The following RARB variants were observed in gnomAD, a reference collection of about 807,000 sequenced individuals.
RARB encodes HBV-activated protein.
A neutral mutation model predicts 51.9 loss-of-function variants in RARB; 17 were observed. The ratio of observed to expected loss-of-function variants is 0.33; its 90% CI spans 0.22 to 0.49. The LOEUF (loss-of-function observed/expected upper bound fraction) is 0.49, where lower values mean the gene tolerates loss of function less well. RARB is among the 20% of genes least tolerant of loss of function. RARB has a pLI of 0.99. For missense variants in RARB, 369 were observed against 550.8 expected (o/e 0.67, Z 3.30); for synonymous variants, 215 against 195.4 (o/e 1.10, Z -0.84).
At chr3:25,073,837 T>C (rs1233299010) in intron 3 of RARB, among the ~76,000 whole-genome samples, 1 of 152,194 alleles carries the variant, frequency 6.6e-6, no homozygotes, top group African/African-American at 2.4e-5. Context: ...GTGACTTTTT[T>C]TTTTTTATCA....
At chr3:25,452,354 C>T (rs1039271862) in intron 1 of RARB, among the ~76,000 whole-genome samples, 1 of 152,118 alleles carries the variant, frequency 6.6e-6, no homozygotes, top group Non-Finnish European at 1.5e-5. Flanking sequence ...CAGCACTTCC[C>T]GTGGTAAAAG....
At chr3:25,289,114 T>C (rs1347249695) in intron 5 of RARB, among the ~76,000 whole-genome samples, 3 of 152,224 alleles carry the variant, frequency 2.0e-5, no homozygotes, top group Non-Finnish European at 4.4e-5. Context: ...ACGTAGTGGA[T>C]TAGAGCTCAG....
intron 2 of RARB, among the ~76,000 whole-genome samples, chr3:24,960,054 C>A (rs1696104496): frequency 6.6e-6 from 1 of 152,178 alleles, no homozygotes. Flanking sequence ...CAATAAATTG[C>A]AGCAGGGGAA....
chr3:25,494,275 A>ACACG (rs1553623209), intron 2 of RARB, among the ~76,000 whole-genome samples: 1,222 of 102,332 alleles, frequency 0.012, 9 homozygotes, highest in Non-Finnish European at 0.017. Flanking sequence ...ACACACACAC[A>ACACG]CACATGCCAT....
chr3:25,447,762 G>A (rs1709011605), intron 1 of RARB, among the ~76,000 whole-genome samples: 1 of 152,174 alleles, frequency 6.6e-6, no homozygotes, highest in African/African-American at 2.4e-5. Flanking sequence ...GGGAAGGAAA[G>A]GACAGCTGAG....
intron 2 of RARB, among the ~76,000 whole-genome samples, chr3:25,058,889 A>C (rs1698493971): frequency 1.3e-5 from 2 of 151,720 alleles, no homozygotes; most frequent in Admixed American, 1.3e-4. Context: ...TATAGCTCCT[A>C]AATAATTCTT....
intron 4 of RARB, among the ~76,000 whole-genome samples, chr3:25,173,868 A>G (rs1305128493): frequency 6.6e-6 from 1 of 152,206 alleles, no homozygotes; most frequent in African/African-American, 2.4e-5. Context: ...GCAGAGTGAT[A>G]TAGTCAAATA....
At chr3:25,115,508 T>C (rs910336748) in intron 3 of RARB, among the ~76,000 whole-genome samples, 2 of 152,166 alleles carry the variant, frequency 1.3e-5, no homozygotes, top group Non-Finnish European at 2.9e-5. Context: ...TTTCTAATTA[T>C]GCCTAGTATT....
At chr3:25,550,886 A>G (rs1699823073) in intron 3 of RARB, among the ~76,000 whole-genome samples, 3 of 152,264 alleles carry the variant, frequency 2.0e-5, no homozygotes, top group Admixed American at 6.5e-5. Context: ...AATGGCTTTC[A>G]GCTCTATCCA....
intron 4 of RARB, among the ~76,000 whole-genome samples, chr3:25,577,644 C>T (rs545432962): frequency 7.5e-4 from 114 of 152,354 alleles, no homozygotes; most frequent in African/African-American, 2.6e-3. Flanking sequence ...CCAGGAGCTG[C>T]CTCCAGTGGG....
chr3:25,591,436 C>G (rs1000923623), intron 5 of RARB, among the ~76,000 whole-genome samples: 1 of 152,332 alleles, frequency 6.6e-6, no homozygotes, highest in East Asian at 1.9e-4. Context: ...TAAAGATTAT[C>G]TAACCTTAGA....
At chr3:25,294,022 A>C (rs2125423440) in intron 5 of RARB, among the ~76,000 whole-genome samples, 1 of 152,308 alleles carries the variant, frequency 6.6e-6, no homozygotes, top group Non-Finnish European at 1.5e-5. Context: ...CAGAGACAAT[A>C]ACTTCGGAGG....
At chr3:25,565,875 A>G (rs1700472960) in intron 3 of RARB, among the ~76,000 whole-genome samples, 1 of 151,522 alleles carries the variant, frequency 6.6e-6, no homozygotes, top group Admixed American at 6.6e-5. Flanking sequence ...ATCTCGGGGG[A>G]GGCTCTGAAA....
chr3:25,167,691 A>G (rs1386152050), intron 4 of RARB, among the ~76,000 whole-genome samples: 1 of 152,212 alleles, frequency 6.6e-6, no homozygotes, highest in African/African-American at 2.4e-5. Flanking sequence ...CTTTGAAGAA[A>G]CTAAATCAGA....
At chr3:24,850,076 G>A (rs1026199927) in intron 1 of RARB, among the ~76,000 whole-genome samples, 45 of 152,140 alleles carry the variant, frequency 3.0e-4, no homozygotes, top group Non-Finnish European at 1.5e-5. Flanking sequence ...GTCCTTACCT[G>A]GAAGAAGGCT....
intron 5 of RARB, among the ~76,000 whole-genome samples, chr3:25,290,638 A>C (rs565957838): frequency 1.3e-5 from 2 of 152,320 alleles, no homozygotes; most frequent in South Asian, 4.1e-4. Flanking sequence ...AAGTGGGTAC[A>C]TGGTAAAAAA....
chr3:25,577,004 T>C (rs1700964136), intron 4 of RARB, among the ~76,000 whole-genome samples: 1 of 152,196 alleles, frequency 6.6e-6, no homozygotes, highest in African/African-American at 2.4e-5. Context: ...CTGGAGCTCT[T>C]GTAGCCACCT....
At chr3:24,845,584 G>C (rs956753631) in intron 1 of RARB, among the ~76,000 whole-genome samples, 1 of 152,216 alleles carries the variant, frequency 6.6e-6, no homozygotes, top group East Asian at 1.9e-4. Context: ...AAAGGAGGCT[G>C]AGAAATGTAA....
At chr3:25,443,568 G>A (rs1575408947) in intron 1 of RARB, among the ~76,000 whole-genome samples, 1 of 151,168 alleles carries the variant, frequency 6.6e-6, no homozygotes, top group East Asian at 1.9e-4. Context: ...AGCCAAGATT[G>A]CACCATCGTT....
Sources: allele counts gnomAD v4.1 joint callset (sites outside exome capture counted in the v4.1 genomes callset), GRCh38; gene constraint gnomAD v4.1.1; transcripts MANE v1.5; gene names NCBI Gene and HGNC (gene_info 2026-07-23, HGNC 2026-07-21).